Variants in STXBP4 observed in about 807,000 individuals in gnomAD.
STXBP4 encodes the protein syntaxin-binding protein 4.
In STXBP4, 55 loss-of-function variants were observed where a neutral mutation model predicts 76.1. The observed-to-expected ratio is 0.72, with a 90% CI of 0.58 to 0.91. The LOEUF (loss-of-function observed/expected upper bound fraction) is 0.91, where lower values mean the gene tolerates loss of function less well. STXBP4 is among the 40% of genes least tolerant of loss of function. The pLI is 0.00. For synonymous variants in STXBP4, 201 were observed against 220.2 expected, an observed-to-expected ratio of 0.91 and a Z score of 0.77; for missense variants, 618 against 636.9, an observed-to-expected ratio of 0.97 and a Z score of 0.32.
intron 17 of STXBP4, among the ~76,000 whole-genome samples, chr17:55,145,139 C>CT (rs1175348839): frequency 2.6e-5 from 4 of 152,188 alleles, no homozygotes; most frequent in African/African-American, 9.7e-5. Context: ...CAGACATCTA[C>CT]TATATGTCTT....
At chr17:54,976,225 C>T (rs1300841845) in intron 1 of STXBP4, among the ~76,000 whole-genome samples, 1 of 152,164 alleles carries the variant, frequency 6.6e-6, no homozygotes, top group African/African-American at 2.4e-5. Context: ...GATGAAGACT[C>T]CTTTCAAGAA....
At chr17:54,998,600 A>G (rs12602344) in intron 4 of STXBP4, among the ~76,000 whole-genome samples, 2 of 152,240 alleles carry the variant, frequency 1.3e-5, no homozygotes, top group African/African-American at 4.8e-5. Context: ...GATATGGCTA[A>G]CAATATATGC....
intron 8 of STXBP4, among the ~76,000 whole-genome samples, chr17:55,020,899 A>T (rs2078298604): frequency 6.6e-6 from 1 of 152,214 alleles, no homozygotes; most frequent in Admixed American, 6.5e-5. Context: ...TGAAGCTAAT[A>T]TATGAAACCT....
chr17:55,025,399 G>A (rs2078393452), intron 8 of STXBP4, among the ~76,000 whole-genome samples: 1 of 152,018 alleles, frequency 6.6e-6, no homozygotes, highest in African/African-American at 2.4e-5. Context: ...AATAGTTCCG[G>A]CCCATCTATT....
the STXBP4 span, among the ~76,000 whole-genome samples, chr17:55,180,287 T>A: frequency 2.0e-5 from 3 of 152,228 alleles, no homozygotes; most frequent in Non-Finnish European, 2.9e-5. Flanking sequence ...TAATATTTTC[T>A]TAAATAGCTA....
At chr17:55,127,230 CTA>C (rs918406092) in intron 16 of STXBP4, among the ~76,000 whole-genome samples, 1 of 152,182 alleles carries the variant, frequency 6.6e-6, no homozygotes, top group African/African-American at 2.4e-5. Flanking sequence ...AATAAATAGA[CTA>C]TTAAGTTTCT....
At chr17:55,017,226 C>T (rs1006667219) in intron 8 of STXBP4, among the ~76,000 whole-genome samples, 5 of 152,136 alleles carry the variant, frequency 3.3e-5, no homozygotes, top group African/African-American at 1.2e-4. Context: ...TCTCTTTCGC[C>T]TCTCTGCCTG....
rs1461194748 is a variant in STXBP4, at chr17:54,984,870, T to C, written c.-156-744T>C. Reference sequence around the variant, plus strand: ...CCCTAAATTTCAGCTTCTTCACCCCTCTTTTACCAATTATCACCCAACCAT... The same window carrying C: ...CCCTAAATTTCAGCTTCTTCACCCCCCTTTTACCAATTATCACCCAACCAT... On this transcript the variant is annotated intron_variant, in intron 1 of 17. Transcript: ENST00000376352. Among the ~76,000 whole-genome samples, 9 of 151,594 alleles carry C rather than the reference T, an allele frequency of 5.9e-5. No homozygotes were observed. The East Asian group carries it at 1.7e-3, about 29-fold the overall frequency.
chr17:55,146,437 C>T (rs545047901), intron 17 of STXBP4, among the ~76,000 whole-genome samples: 8 of 152,042 alleles, frequency 5.3e-5, no homozygotes, highest in African/African-American at 9.7e-5. Flanking sequence ...TGAGGCCGGG[C>T]GTGGTGGCTG....
intron 12 of STXBP4, among the ~76,000 whole-genome samples, chr17:55,064,766 A>C (rs2079030464): frequency 6.6e-6 from 1 of 152,160 alleles, no homozygotes; most frequent in Non-Finnish European, 1.5e-5. Context: ...CGCCTCCCAA[A>C]GTGCCGGGAT....
chr17:55,055,215 A>C (rs1187461076), intron 12 of STXBP4, among the ~76,000 whole-genome samples: 1 of 152,148 alleles, frequency 6.6e-6, no homozygotes, highest in African/African-American at 2.4e-5. Flanking sequence ...TTAGGAAATG[A>C]CATTTGGGTG....
At chr17:55,146,252 A>G (rs947599228) in intron 17 of STXBP4, among the ~76,000 whole-genome samples, 6 of 152,210 alleles carry the variant, frequency 3.9e-5, no homozygotes, top group African/African-American at 1.4e-4. Context: ...CTATATCTGC[A>G]TAATAAATTT....
At chr17:55,146,327 G>C (rs1330793270) in intron 17 of STXBP4, among the ~76,000 whole-genome samples, 1 of 152,136 alleles carries the variant, frequency 6.6e-6, no homozygotes, top group Non-Finnish European at 1.5e-5. Flanking sequence ...CCTGAATCCA[G>C]GAGTGGCTTC....
chr17:55,153,870 A>G (rs244290), intron 17 of STXBP4, among the ~76,000 whole-genome samples: 98,730 of 152,088 alleles, frequency 0.65, 33,058 homozygotes, highest in African/African-American at 0.81. Flanking sequence ...AAAGTAGCAT[A>G]AAAATATATA....
chr17:55,184,100 C>T, the STXBP4 span, among the ~76,000 whole-genome samples: 2 of 151,994 alleles, frequency 1.3e-5, no homozygotes, highest in African/African-American at 4.8e-5. Context: ...AATTCTCAAC[C>T]AATGTCAAAG....
At chr17:55,191,530 T>C in the STXBP4 span, among the ~76,000 whole-genome samples, 1 of 152,298 alleles carries the variant, frequency 6.6e-6, no homozygotes, top group East Asian at 1.9e-4. Context: ...GCAATACTTA[T>C]TTCCCTGACA....
chr17:55,197,399 A>G, the STXBP4 span, among the ~76,000 whole-genome samples: 1 of 152,262 alleles, frequency 6.6e-6, no homozygotes, highest in Non-Finnish European at 1.5e-5. Flanking sequence ...CACCAAGCCT[A>G]TGGCTTTCAC....
intron 4 of STXBP4, among the ~76,000 whole-genome samples, chr17:54,992,705 C>CTTTTTTTT (rs760386476): frequency 4.1e-5 from 4 of 96,834 alleles, no homozygotes; most frequent in Non-Finnish European, 5.9e-5. Flanking sequence ...AATTTGCTTC[C>CTTTTTTTT]TTTTTTTTTT....
At chr17:55,011,709 C>T (rs75701303) in intron 8 of STXBP4, among the ~76,000 whole-genome samples, 2,721 of 152,028 alleles carry the variant, frequency 0.018, 80 homozygotes, top group African/African-American at 0.061. Context: ...TTAGTGAGCC[C>T]TCTTTACTAC....
Sources: allele counts gnomAD v4.1 joint callset (sites outside exome capture counted in the v4.1 genomes callset), GRCh38; gene constraint gnomAD v4.1.1; transcripts MANE v1.5; gene names NCBI Gene and HGNC (gene_info 2026-07-23, HGNC 2026-07-21).